The following CNTLN variants were observed in gnomAD, a reference collection of about 807,000 sequenced individuals.
The protein encoded by CNTLN is centlein, also known as centlein, centrosomal protein.
In CNTLN, 212 loss-of-function variants were observed where a neutral mutation model predicts 180.0. The observed-to-expected ratio is 1.18, with a 90% confidence interval of 1.05 to 1.32. The LOEUF is 1.32. CNTLN is among the 40% of genes most tolerant of loss of function. CNTLN has a pLI of 0.00. For synonymous variants in CNTLN, 722 were observed against 563.1 expected, an observed-to-expected ratio of 1.28 and a Z score of -3.99; for missense variants, 2,095 against 1,610.9, an observed-to-expected ratio of 1.30 and a Z score of -5.14.
intron 23 of CNTLN, among the ~76,000 whole-genome samples, chr9:17,481,316 C>T (rs1832633255): frequency 6.6e-6 from 1 of 152,184 alleles, no homozygotes; most frequent in African/African-American, 2.4e-5. Flanking sequence ...GCCTTTAGCC[C>T]CAACAACTAT....
chr9:17,395,067 C>T lies in CNTLN; in HGVS notation c.2613C>T (p.Ser871=). 6.2e-7 allele frequency: 1 copy of T among 1,602,948 alleles called. No homozygotes were observed. The highest frequency in any genetic ancestry group is 8.5e-7 in the Non-Finnish European group (1 of 1,173,152). ...SKDGWEDVSE[S]SSDSEAQTSQ... Reference sequence around the variant, plus strand: ...ACGGCTGGGAGGATGTGAGTGAAAGCAGGTAAGGCTCTCATTAACTTAGCT... The same window carrying T: ...ACGGCTGGGAGGATGTGAGTGAAAGTAGGTAAGGCTCTCATTAACTTAGCT... The change falls in exon 15 of 26, where the codon AGC becomes AGT. Residue 871 remains serine, a splice_region_variant and synonymous_variant. Coordinates refer to ENST00000380647, the MANE Select transcript of CNTLN (RefSeq NM_017738.4).
In CNTLN at chr9:17,143,359, C is replaced by A. The variant is rs372422607; in HGVS notation, c.432C>A (p.Val144=). Residue 144 remains valine, a synonymous_variant, in exon 2 of 26, where the codon GTC becomes GTA. Transcript: ENST00000380647. ...CAAACCCAGATCTCACACAAGTGGT[C>A]AGTTTGGTTGTGGAAAGGTGAGCTC... ...QVTNPDLTQV[V]SLVVEREKQK... is the part of the protein sequence containing the mutation. The A allele has an allele frequency of 6.2e-7, 1 of 1,613,254 alleles. No homozygotes were observed.
intron 18 of CNTLN, among the ~76,000 whole-genome samples, chr9:17,416,969 T>A (rs747192469): frequency 3.9e-5 from 6 of 152,160 alleles, no homozygotes; most frequent in Non-Finnish European, 8.8e-5. Context: ...TAGTATCTAG[T>A]GCTTTGATTC....
chr9:17,227,775 A>G (rs1270939522), intron 3 of CNTLN, among the ~76,000 whole-genome samples: 1 of 152,122 alleles, frequency 6.6e-6, no homozygotes, highest in Non-Finnish European at 1.5e-5. Flanking sequence ...TTTTTCTTAT[A>G]GAAAATGTCA....
At chr9:17,462,744 A>G (rs1160242407) in intron 19 of CNTLN, among the ~76,000 whole-genome samples, 172 bp from the exon 20 acceptor site, 1 of 151,580 alleles carries the variant, frequency 6.6e-6, no homozygotes, top group Non-Finnish European at 1.5e-5. Context: ...TAGTATTATT[A>G]TTTCTATTAC....
At chr9:17,208,170 C>T (rs1002903725) in intron 2 of CNTLN, among the ~76,000 whole-genome samples, 1 of 152,058 alleles carries the variant, frequency 6.6e-6, no homozygotes, top group African/African-American at 2.4e-5. Context: ...GGGTTTTTAT[C>T]CTGAAGCAAT....
At chr9:17,179,708 T>A (rs891785189) in intron 2 of CNTLN, among the ~76,000 whole-genome samples, 6 of 152,230 alleles carry the variant, frequency 3.9e-5, no homozygotes, top group African/African-American at 1.4e-4. Context: ...GCTGAGCTCT[T>A]CTGTACCTTT....
intron 8 of CNTLN, among the ~76,000 whole-genome samples, chr9:17,323,564 G>A (rs770340738): frequency 1.3e-5 from 2 of 152,144 alleles, no homozygotes; most frequent in African/African-American, 4.8e-5. Flanking sequence ...TAATTACAGC[G>A]CGGCTTTCTG....
At chr9:17,252,493 T>A (rs184735161) in intron 5 of CNTLN, among the ~76,000 whole-genome samples, 1 of 151,796 alleles carries the variant, frequency 6.6e-6, no homozygotes, top group Non-Finnish European at 1.5e-5. Flanking sequence ...TTCCTGATGA[T>A]TAATGATGCT....
At chr9:17,154,978 G>C (rs537203256) in intron 2 of CNTLN, among the ~76,000 whole-genome samples, 5 of 152,266 alleles carry the variant, frequency 3.3e-5, no homozygotes, top group African/African-American at 1.2e-4. Context: ...TCACTGCGAA[G>C]GTCTACGGCT....
At chr9:17,229,789 G>A (rs925118272) in intron 3 of CNTLN, among the ~76,000 whole-genome samples, 1 of 151,986 alleles carries the variant, frequency 6.6e-6, no homozygotes, top group Admixed American at 6.6e-5. Flanking sequence ...TAACCAAATG[G>A]GTAAAAACAG....
chr9:17,457,644 A>T lies in CNTLN; in HGVS notation c.3235A>T (p.Ile1079Leu). The T allele has an allele frequency of 6.5e-7, 1 of 1,549,616 alleles. No individual in the cohort carries two copies. Among genetic ancestry groups the T allele is most frequent in the African/African-American group, 1.4e-5 (1 of 71,948 alleles). The change falls in exon 19 of 26, where the codon ATA (isoleucine) becomes TTA (leucine). Residue 1079 changes from isoleucine (I) to leucine (L), a missense_variant. Coordinates refer to ENST00000380647, the MANE Select transcript of CNTLN (RefSeq NM_017738.4). ...EENSQVTFPRIQVTSLSPSRS... is the reference protein window; with the variant it reads ...EENSQVTFPRLQVTSLSPSRS... ...AAATTCCCAGGTAACATTTCCACGG[A>T]TACAAGTTACATCACTTAGTCCTTC... is the stretch of plus-strand genomic sequence containing the variant.
At chr9:17,360,634 G>T (rs566419823) in intron 12 of CNTLN, among the ~76,000 whole-genome samples, 1 of 152,298 alleles carries the variant, frequency 6.6e-6, no homozygotes, top group East Asian at 1.9e-4. Flanking sequence ...GGGCTTAGGA[G>T]AAGGTTCAGG....
chr9:17,430,968 A>T (rs375068062), intron 18 of CNTLN, among the ~76,000 whole-genome samples: 13 of 152,206 alleles, frequency 8.5e-5, no homozygotes, highest in African/African-American at 3.1e-4. Flanking sequence ...GGATAACTAG[A>T]TTGATTCCGT....
At chr9:17,251,441 T>C (rs1826135863) in intron 5 of CNTLN, among the ~76,000 whole-genome samples, 1 of 151,926 alleles carries the variant, frequency 6.6e-6, no homozygotes, top group Non-Finnish European at 1.5e-5. Flanking sequence ...TTTTTCTCTC[T>C]TTATGCTCTT....
At chr9:17,477,176 C>A (rs1832397386) in intron 23 of CNTLN, among the ~76,000 whole-genome samples, 1 of 152,128 alleles carries the variant, frequency 6.6e-6, no homozygotes, top group Non-Finnish European at 1.5e-5. Flanking sequence ...AATATTGAGA[C>A]CTATTGCTTA....
At chr9:17,527,284 A>T in the CNTLN span, among the ~76,000 whole-genome samples, 4 of 152,172 alleles carry the variant, frequency 2.6e-5, no homozygotes, top group Admixed American at 2.6e-4. Flanking sequence ...AAAGAAAGAA[A>T]TCCCATTGTT....
chr9:17,458,340 T>G (rs1831258031), intron 19 of CNTLN, among the ~76,000 whole-genome samples: 1 of 152,018 alleles, frequency 6.6e-6, no homozygotes, highest in Admixed American at 6.6e-5. Context: ...TCCTCACACT[T>G]AATTGGAAAG....
chr9:17,250,326 T>C (rs938995047), intron 5 of CNTLN, among the ~76,000 whole-genome samples: 3 of 151,986 alleles, frequency 2.0e-5, no homozygotes, highest in Non-Finnish European at 4.4e-5. Flanking sequence ...TGCCAATCTC[T>C]TTTTTTCTGA....
Sources: allele counts gnomAD v4.1 joint callset (sites outside exome capture counted in the v4.1 genomes callset), GRCh38; gene constraint gnomAD v4.1.1; transcripts MANE v1.5; gene names NCBI Gene and HGNC (gene_info 2026-07-23, HGNC 2026-07-21).